Variants in C12orf54 observed in about 807,000 individuals in gnomAD.
C12orf54 encodes uncharacterized protein C12orf54.
In C12orf54, 24 loss-of-function variants were observed where a neutral mutation model predicts 26.4. The observed-to-expected ratio is 0.91, with a 90% CI of 0.66 to 1.28. The LOEUF (loss-of-function observed/expected upper bound fraction) is 1.28, where lower values mean the gene tolerates loss of function less well. Among genes scored for constraint, C12orf54 ranks in the 50% most tolerant of loss-of-function variants. C12orf54 has a pLI of 0.00. For missense variants in C12orf54, 154 were observed against 150.9 expected, an observed-to-expected ratio of 1.02 and a Z score of -0.11; for synonymous variants, 54 against 47.0, an observed-to-expected ratio of 1.15 and a Z score of -0.61.
At chr12:48,456,791 A>G in the C12orf54 span, among the ~76,000 whole-genome samples, 1 of 152,176 alleles carries the variant, frequency 6.6e-6, no homozygotes, top group Non-Finnish European at 1.5e-5. Context: ...TCTGTTAATT[A>G]TCAGCTTTTT....
At chr12:48,454,394 C>T in the C12orf54 span, among the ~76,000 whole-genome samples, 12 of 152,102 alleles carry the variant, frequency 7.9e-5, no homozygotes, top group Admixed American at 3.3e-4. Flanking sequence ...CCACCGCACC[C>T]GGCCAAGACT....
chr12:48,487,334 G>A (rs1937672644), intron 4 of C12orf54, among the ~76,000 whole-genome samples: 1 of 152,170 alleles, frequency 6.6e-6, no homozygotes, highest in Non-Finnish European at 1.5e-5. Context: ...AGCAGGAAAA[G>A]ACTGTTAATT....
the C12orf54 span, among the ~76,000 whole-genome samples, chr12:48,471,103 C>A: frequency 6.6e-6 from 1 of 151,918 alleles, no homozygotes; most frequent in Admixed American, 6.6e-5. Context: ...ATCCTCATCT[C>A]CCCCCAACAG....
At chr12:48,459,154 A>T in the C12orf54 span, among the ~76,000 whole-genome samples, 3 of 151,990 alleles carry the variant, frequency 2.0e-5, no homozygotes, top group African/African-American at 7.3e-5. Context: ...GCTCTCCCTC[A>T]TTCTTATAAT....
At chr12:48,490,707 C>G (rs569998958) in intron 5 of C12orf54, 105 bp from the exon 6 acceptor site, 1 of 1,328,286 alleles carries the variant, frequency 7.5e-7, no homozygotes, top group African/African-American at 1.5e-5. Context: ...CCCATATTTT[C>G]CCAAACAGAC....
At chr12:48,486,291 A>T in intron 3 of C12orf54, 83 bp downstream of exon 3, 2 of 1,395,642 alleles carry the variant, frequency 1.4e-6, no homozygotes, top group South Asian at 2.4e-5. Context: ...TGTAGACAGG[A>T]GGCCAAAAAA....
chr12:48,414,963 T>A, the C12orf54 span, among the ~76,000 whole-genome samples: 5 of 152,024 alleles, frequency 3.3e-5, no homozygotes, highest in Admixed American at 3.3e-4. Flanking sequence ...ATCATAGGAG[T>A]CTAAGGAGCA....
the C12orf54 span, among the ~76,000 whole-genome samples, chr12:48,431,619 A>T: frequency 1.3e-5 from 2 of 152,238 alleles, no homozygotes; most frequent in African/African-American, 4.8e-5. Flanking sequence ...TCTCAACAAG[A>T]CAAGAAATCC....
the C12orf54 span, among the ~76,000 whole-genome samples, chr12:48,415,773 C>A: frequency 6.6e-6 from 1 of 152,098 alleles, no homozygotes; most frequent in Non-Finnish European, 1.5e-5. Flanking sequence ...ACCATTTGAC[C>A]ATTTTCTAGA....
At chr12:48,470,506 A>G in the C12orf54 span, among the ~76,000 whole-genome samples, 1 of 151,852 alleles carries the variant, frequency 6.6e-6, no homozygotes, top group Non-Finnish European at 1.5e-5. Flanking sequence ...TCCTTTGCCC[A>G]TTTTTCATGG....
chr12:48,468,540 G>A, the C12orf54 span, among the ~76,000 whole-genome samples: 1 of 152,164 alleles, frequency 6.6e-6, no homozygotes, highest in Non-Finnish European at 1.5e-5. Context: ...TAAAGATACA[G>A]ATGGATCGAA....
intron 8 of C12orf54, 148 bp downstream of exon 8, chr12:48,495,127 G>C (rs1316848613): frequency 6.7e-6 from 4 of 600,406 alleles, no homozygotes; most frequent in African/African-American, 5.6e-5. Context: ...TAGGGTGAGA[G>C]GGTGGACAAG....
chr12:48,431,646 G>A, the C12orf54 span, among the ~76,000 whole-genome samples: 1 of 152,070 alleles, frequency 6.6e-6, no homozygotes, highest in Admixed American at 6.6e-5. Flanking sequence ...TGTCAAAGAT[G>A]AGTTTTATAA....
At chr12:48,477,431 C>T in the C12orf54 span, among the ~76,000 whole-genome samples, 1 of 152,130 alleles carries the variant, frequency 6.6e-6, no homozygotes, top group Non-Finnish European at 1.5e-5. Context: ...ACACAAAAAA[C>T]CCTTCAAAAA....
the C12orf54 span, among the ~76,000 whole-genome samples, chr12:48,463,623 G>T: frequency 4.0e-5 from 6 of 149,908 alleles, no homozygotes; most frequent in East Asian, 1.2e-3. Context: ...AAAAAAAAAA[G>T]AAAGAAAGAA....
chr12:48,454,808 A>T, the C12orf54 span, among the ~76,000 whole-genome samples: 3 of 152,226 alleles, frequency 2.0e-5, no homozygotes, highest in Non-Finnish European at 4.4e-5. Context: ...TAAGGTTGTA[A>T]GTCTAGGGAA....
the C12orf54 span, among the ~76,000 whole-genome samples, chr12:48,417,699 A>G: frequency 1.2e-4 from 19 of 152,130 alleles, no homozygotes; most frequent in Middle Eastern, 3.2e-3. Context: ...TGAGTGTAAC[A>G]CCCAACAGTT....
At chr12:48,438,839 G>A in the C12orf54 span, among the ~76,000 whole-genome samples, 2 of 152,120 alleles carry the variant, frequency 1.3e-5, no homozygotes. Context: ...CAGGACATAG[G>A]CATGGGCAAG....
chr12:48,419,580 G>C, the C12orf54 span, among the ~76,000 whole-genome samples: 4 of 152,158 alleles, frequency 2.6e-5, no homozygotes, highest in Non-Finnish European at 4.4e-5. Flanking sequence ...ATCAAGGAGG[G>C]ATAGATGATG....
Sources: allele counts gnomAD v4.1 joint callset (sites outside exome capture counted in the v4.1 genomes callset), GRCh38; gene constraint gnomAD v4.1.1; transcripts MANE v1.5; gene names NCBI Gene and HGNC (gene_info 2026-07-23, HGNC 2026-07-21).